KIF13A: variants seen among roughly 807,000 people sequenced by gnomAD.
KIF13A encodes the protein kinesin family member 13A.
In KIF13A, 79 loss-of-function variants were observed where a neutral mutation model predicts 212.2. The observed-to-expected ratio is 0.37, with a 90% CI of 0.31 to 0.45. The LOEUF (loss-of-function observed/expected upper bound fraction) is 0.45, where lower values mean the gene tolerates loss of function less well. Among genes scored for constraint, KIF13A ranks in the 20% least tolerant of loss-of-function variants. KIF13A has a pLI of 1.00. For missense variants in KIF13A, 1,901 were observed against 2,209.0 expected (o/e 0.86, Z 2.79); for synonymous variants, 789 against 808.6 (o/e 0.98, Z 0.41).
intron 25 of KIF13A, among the ~76,000 whole-genome samples, chr6:17,793,946 AG>A (rs563532497): frequency 1.5e-4 from 23 of 152,134 alleles, no homozygotes; most frequent in Non-Finnish European, 2.9e-4. Context: ...AAACCCAAAA[AG>A]TGGATCAGGT....
Position 17,828,290 on chromosome 6 carries a change from A to G in KIF13A, c.1482T>C (p.Ile494=), listed in dbSNP as rs1765149545. The change falls in exon 14 of 39, where the codon ATT becomes ATC. Residue 494 remains isoleucine, a synonymous_variant. Coordinates refer to ENST00000259711, the MANE Select transcript of KIF13A (RefSeq NM_022113.6). This position sits in a 1 kb window ranked among gnomAD's most constrained non-coding sequence, Gnocchi z 4.3. ...GIGIQPQHCE[I]DIASDGDVTL... ...TGACGTCTCCATCAGATGCAATGTC[A>G]ATCTCACAGTGCTGAGGCTGAATTC... The G allele has an allele frequency of 1.2e-6, 2 of 1,610,674 alleles. No homozygotes were observed. Among genetic ancestry groups the G allele is most frequent in the Non-Finnish European group, 1.7e-6 (2 of 1,178,272 alleles).
chr6:17,971,126 T>C lies in KIF13A; in HGVS notation c.146+15928A>G, dbSNP rs1257442992. On this transcript the variant is annotated intron_variant, in intron 2 of 38. Transcript: ENST00000259711. This position sits in a 1 kb window ranked among gnomAD's most constrained non-coding sequence, Gnocchi z 4.2. Reference sequence around the variant, plus strand: ...GTCAATTTTTAAGGGAAAATATCCTTTAATGATTCTTAGTATGATCTGGCC... The same window carrying C: ...GTCAATTTTTAAGGGAAAATATCCTCTAATGATTCTTAGTATGATCTGGCC... Among the ~76,000 whole-genome samples, 2 of 152,174 alleles carry C rather than the reference T, an allele frequency of 1.3e-5. No individual in the cohort carries two copies. Among genetic ancestry groups the C allele is most frequent in the Admixed American group, 6.5e-5 (1 of 15,276 alleles).
At position 17,785,750 on chromosome 6, in the gene KIF13A, CA is replaced by C. The variant is rs10686772; in HGVS notation, c.3362-110del. On this transcript the variant is annotated intron_variant, in intron 27 of 38. Coordinates refer to ENST00000259711, the MANE Select transcript of KIF13A (RefSeq NM_022113.6). This position sits in a 1 kb window ranked among gnomAD's most constrained non-coding sequence, Gnocchi z 5.8. ...CAACATAGTGAGACCCCATCTCTAC[CA>C]AAAAAAAAAAAATAGTTGGGCAGGG... 91,953 of 805,588 alleles carry C rather than the reference CA, an allele frequency of 0.11. No homozygotes were observed. The highest frequency in any genetic ancestry group is 0.15 in the East Asian group (4,483 of 30,316). The allele number at this position is 805,588 out of a possible 1,614,324, so 49.9% of individuals were successfully genotyped here. A position where few individuals can be genotyped will look rare whatever the true frequency, so the allele number is the denominator to read the frequency against.
chr6:17,779,958 G>A lies in KIF13A; in HGVS notation c.3847-274C>T, dbSNP rs1251572086. On this transcript the variant is annotated intron_variant, in intron 31 of 38. Coordinates refer to ENST00000259711, the MANE Select transcript of KIF13A (RefSeq NM_022113.6). Reference sequence around the variant, plus strand: ...AGACGGGGTTTCACCGTGTTAGCCAGGATGGTCTCGATCTCCTGACCTCGT... The same window carrying A: ...AGACGGGGTTTCACCGTGTTAGCCAAGATGGTCTCGATCTCCTGACCTCGT... Among the ~76,000 whole-genome samples, 3 of 151,334 alleles carry A rather than the reference G, an allele frequency of 2.0e-5. No homozygotes were observed. In the East Asian group the frequency reaches 5.9e-4, roughly 30 times the overall value.
rs527714725 is a variant in KIF13A at position 17,865,808 on chromosome 6, C to T, written c.220+7569G>A. Reference sequence around the variant, plus strand: ...ACCAGGCCATGAGGGTAATAGACCACGGACACATTTTCCACTGTAGCATTC... The same window carrying T: ...ACCAGGCCATGAGGGTAATAGACCATGGACACATTTTCCACTGTAGCATTC... On this transcript the variant is annotated intron_variant, in intron 4 of 38. Transcript: ENST00000259711. Among the ~76,000 whole-genome samples, 4 of 152,292 alleles carry T rather than the reference C, an allele frequency of 2.6e-5. No homozygotes were observed. In the South Asian group the frequency reaches 6.2e-4, roughly 24 times the overall value.
chr6:17,921,155 A>G (rs1392002712), intron 2 of KIF13A, among the ~76,000 whole-genome samples: 1 of 152,212 alleles, frequency 6.6e-6, no homozygotes, highest in Non-Finnish European at 1.5e-5. Flanking sequence ...GGGGTCCCAT[A>G]ATCAAACATG....
chr6:17,871,873 T>C lies in KIF13A; in HGVS notation c.220+1504A>G, dbSNP rs1770046766. Among the ~76,000 whole-genome samples, 1 of 152,208 alleles carries C rather than the reference T, an allele frequency of 6.6e-6. No homozygotes were observed. Among genetic ancestry groups the C allele is most frequent in the Non-Finnish European group, 1.5e-5 (1 of 68,032 alleles). ...CGGGTTTGTATAACCATAGCATTTA[T>C]CCCCATTTGTCTCTGCATCTGTAGG... is the stretch of plus-strand genomic sequence containing the variant. On this transcript the variant is annotated intron_variant, in intron 4 of 38. Coordinates refer to ENST00000259711, the MANE Select transcript of KIF13A (RefSeq NM_022113.6). The surrounding 1 kb of genome is among the most constrained non-coding windows in gnomAD (Gnocchi z 4.4).
At position 17,892,916 on chromosome 6, in the gene KIF13A, C is replaced by A. The variant is rs1772192163; in HGVS notation, c.159+5252G>T. On this transcript the variant is annotated intron_variant, in intron 3 of 38. Transcript: ENST00000259711. This position sits in a 1 kb window ranked among gnomAD's most constrained non-coding sequence, Gnocchi z 4.7. ...TCCTGAGTTCTGTGAGCCATTCTAG[C>A]AAATTATGGAACCTGAGGAGGGGGA... 6.6e-6 allele frequency among the ~76,000 whole-genome samples: 1 copy of A among 152,152 alleles called. No homozygotes were observed. Among genetic ancestry groups the A allele is most frequent in the Admixed American group, 6.5e-5 (1 of 15,278 alleles).
At chr6:17,896,150 G>A (rs1447949609) in intron 3 of KIF13A, among the ~76,000 whole-genome samples, 3 of 152,166 alleles carry the variant, frequency 2.0e-5, no homozygotes, top group Non-Finnish European at 4.4e-5. Flanking sequence ...CCCGAATACT[G>A]TATTTTCTAA....
At chr6:17,859,638 A>T (rs201505297) in intron 4 of KIF13A, among the ~76,000 whole-genome samples, 20,274 of 111,748 alleles carry the variant, frequency 0.18, 2,538 homozygotes, top group Middle Eastern at 0.28. Context: ...ATATATATAT[A>T]TTTTTTTTTT....
Position 17,764,898 on chromosome 6 carries a change from T to C in KIF13A, c.4630A>G (p.Ile1544Val), listed in dbSNP as rs749536928. Residue 1544 changes from isoleucine to valine, a missense_variant, in exon 39 of 39, where the codon ATA becomes GTA. Ile to Val is a conservative substitution (Grantham distance 29). This residue lies in a region of KIF13A where 687 missense variants were observed against 759.1 expected (regional missense o/e 0.90). Coordinates refer to ENST00000259711, the MANE Select transcript of KIF13A (RefSeq NM_022113.6). The surrounding 1 kb of genome is among the most constrained non-coding windows in gnomAD (Gnocchi z 5.1). ...NELEAINRKL[I>V]SSQPYVPVEF... ...ACAGGTACATAAGGCTGTGAACTTA[T>C]TAGCTTCCTGTTAATAGCTTCCAGC... The C allele has an allele frequency of 3.9e-5, 63 of 1,613,702 alleles. No individual in the cohort carries two copies. Among genetic ancestry groups the C allele is most frequent in the Admixed American group, 8.3e-5 (5 of 59,978 alleles).
At position 17,982,963 on chromosome 6, in the gene KIF13A, G is replaced by A. The variant is rs1189597375; in HGVS notation, c.146+4091C>T. Among the ~76,000 whole-genome samples, 3 of 152,162 alleles carry A rather than the reference G, an allele frequency of 2.0e-5. No individual in the cohort carries two copies. The stretch of plus-strand genomic sequence containing the variant: ...AGGCAGGCGGATTACAAGGTCAGGA[G>A]TTTGAGACCAGCCTGGCCAACATAG... On this transcript the variant is annotated intron_variant, in intron 2 of 38. Transcript: ENST00000259711. The surrounding 1 kb of genome is among the most constrained non-coding windows in gnomAD (Gnocchi z 5.1).
At chr6:17,981,725 C>T (rs934671792) in intron 2 of KIF13A, among the ~76,000 whole-genome samples, 6 of 151,918 alleles carry the variant, frequency 3.9e-5, no homozygotes, top group Non-Finnish European at 7.4e-5. Context: ...TCACTGTGTC[C>T]GGCCTTATTC....
At chr6:17,975,558 T>C (rs562356311) in intron 2 of KIF13A, among the ~76,000 whole-genome samples, 29 of 152,258 alleles carry the variant, frequency 1.9e-4, no homozygotes, top group Admixed American at 7.2e-4. Flanking sequence ...AAAAAAAAGC[T>C]TCCAGTACAG....
chr6:17,793,956 G>T (rs1761825625), intron 25 of KIF13A, among the ~76,000 whole-genome samples: 1 of 151,984 alleles, frequency 6.6e-6, no homozygotes, highest in Non-Finnish European at 1.5e-5. Context: ...AGTGGATCAG[G>T]TCAGGCAGTA....
At chr6:17,808,076 G>C (rs1354173336) in intron 18 of KIF13A, among the ~76,000 whole-genome samples, 2 of 152,150 alleles carry the variant, frequency 1.3e-5, no homozygotes, top group African/African-American at 4.8e-5. Context: ...CTTTCTTGTA[G>C]AATTCACTCT....
At chr6:17,805,379 G>GTGTGTGTGTGT (rs1415736661) in intron 19 of KIF13A, 96 bp downstream of exon 19, 2 of 220,568 alleles carry the variant, frequency 9.1e-6, no homozygotes, top group Non-Finnish European at 1.7e-5. Flanking sequence ...CCGTGTGTGT[G>GTGTGTGTGTGT]TGTGTGTGTG....
In KIF13A at chr6:17,779,694, A is replaced by G. The variant is rs750965259; in HGVS notation, c.3847-10T>C. 9 of 1,229,522 alleles carry G rather than the reference A, an allele frequency of 7.3e-6. No individual in the cohort carries two copies. The South Asian group carries it at 1.0e-4, about 14-fold the overall frequency. The allele number at this position is 1,229,522 out of a possible 1,614,324, so 76.2% of individuals were successfully genotyped here. ...AACTCTGCGTGAAACTCTAGTAGAA[A>G]AAAAAAAAAGCTGTATTAAGCTATG... On this transcript the variant is annotated splice_polypyrimidine_tract_variant and intron_variant, in intron 31 of 38. Transcript: ENST00000259711.
intron 2 of KIF13A, among the ~76,000 whole-genome samples, chr6:17,955,522 G>T (rs960537636): frequency 2.0e-5 from 3 of 152,168 alleles, no homozygotes; most frequent in African/African-American, 7.2e-5. Flanking sequence ...TATATTTGAA[G>T]AAGTGATTTT....
Sources: allele counts gnomAD v4.1 joint callset (sites outside exome capture counted in the v4.1 genomes callset), GRCh38; gene constraint gnomAD v4.1.1; regional missense constraint gnomAD v4.1.1; non-coding constraint Gnocchi (gnomAD v3.1); transcripts MANE v1.5; gene names NCBI Gene and HGNC (gene_info 2026-07-23, HGNC 2026-07-21).